The following GRM8 variants were observed in gnomAD, a reference collection of about 807,000 sequenced individuals.
GRM8 encodes metabotropic glutamate receptor 8.
GRM8 carries 47 observed loss-of-function variants against 87.2 expected under a neutral mutation model. The ratio of observed to expected loss-of-function variants is 0.54; its 90% CI spans 0.43 to 0.69. The LOEUF (loss-of-function observed/expected upper bound fraction) is 0.69, where lower values mean the gene tolerates loss of function less well. Ranked by LOEUF, GRM8 falls within the 30% of genes least tolerant of loss-of-function variation. The pLI is 0.00. For missense variants in GRM8, 1,019 were observed against 1,139.2 expected, an observed-to-expected ratio of 0.89 and a Z score of 1.52; for synonymous variants, 396 against 404.5, an observed-to-expected ratio of 0.98 and a Z score of 0.25.
At chr7:127,244,768 G>T (rs1283178440) in intron 1 of GRM8, among the ~76,000 whole-genome samples, 4 of 152,124 alleles carry the variant, frequency 2.6e-5, no homozygotes, top group African/African-American at 9.7e-5. Context: ...GGGGATAACT[G>T]AAAATATGCC....
intron 6 of GRM8, among the ~76,000 whole-genome samples, chr7:126,793,518 C>T (rs1396846809): frequency 6.6e-6 from 1 of 152,150 alleles, no homozygotes; most frequent in Non-Finnish European, 1.5e-5. Context: ...CATGTGAAGT[C>T]ATTGTGAAAA....
At chr7:126,737,286 TG>T (rs1356101817) in intron 7 of GRM8, among the ~76,000 whole-genome samples, 1 of 151,960 alleles carries the variant, frequency 6.6e-6, no homozygotes, top group African/African-American at 2.4e-5. Context: ...CATCTGATCT[TG>T]TGATCTCCAC....
At chr7:127,079,980 T>A (rs1024054184) in intron 3 of GRM8, among the ~76,000 whole-genome samples, 1 of 152,064 alleles carries the variant, frequency 6.6e-6, no homozygotes, top group Non-Finnish European at 1.5e-5. Context: ...AACAGCCCCA[T>A]AAAGACATCC....
At chr7:126,725,793 C>T (rs1585679873) in intron 7 of GRM8, among the ~76,000 whole-genome samples, 1 of 152,228 alleles carries the variant, frequency 6.6e-6, no homozygotes, top group East Asian at 1.9e-4. Context: ...TGGCAGAAGG[C>T]AAAGCGGGAA....
chr7:126,624,023 T>C (rs1800435572), intron 7 of GRM8, among the ~76,000 whole-genome samples: 1 of 152,162 alleles, frequency 6.6e-6, no homozygotes, highest in South Asian at 2.1e-4. Flanking sequence ...GCCCATTCTT[T>C]TTACCCCCTC....
chr7:126,760,708 T>C (rs1585819961), intron 7 of GRM8, among the ~76,000 whole-genome samples: 2 of 152,196 alleles, frequency 1.3e-5, no homozygotes, highest in East Asian at 3.8e-4. Flanking sequence ...ATTAATTTCC[T>C]CAATTGTATT....
intron 7 of GRM8, among the ~76,000 whole-genome samples, chr7:126,752,717 T>C (rs959089844): frequency 5.3e-5 from 8 of 152,202 alleles, no homozygotes; most frequent in African/African-American, 1.9e-4. Context: ...GAATTTACTA[T>C]GATGGTTACA....
chr7:126,596,435 T>G (rs1175721197), intron 8 of GRM8, among the ~76,000 whole-genome samples: 1 of 152,220 alleles, frequency 6.6e-6, no homozygotes, highest in Non-Finnish European at 1.5e-5. Flanking sequence ...TTCATATACT[T>G]GTTGGCTACA....
At chr7:126,987,903 T>A (rs1286023515) in intron 3 of GRM8, among the ~76,000 whole-genome samples, 1 of 152,192 alleles carries the variant, frequency 6.6e-6, no homozygotes, top group Non-Finnish European at 1.5e-5. Context: ...TCTATACCTA[T>A]GGGAGTAGGT....
intron 7 of GRM8, among the ~76,000 whole-genome samples, chr7:126,655,366 C>A (rs1804396684): frequency 6.6e-6 from 1 of 152,126 alleles, no homozygotes; most frequent in African/African-American, 2.4e-5. Context: ...TAAAACATTT[C>A]ATCTGATATA....
chr7:127,243,215 G>A lies in GRM8; in HGVS notation c.-11C>T, dbSNP rs764129028. 68 of 1,596,064 alleles carry A rather than the reference G, an allele frequency of 4.3e-5. No individual in the cohort carries two copies. Among genetic ancestry groups the A allele is most frequent in the South Asian group, 3.2e-4 (29 of 89,688 alleles). On this transcript the variant is annotated 5_prime_UTR_variant, in exon 2 of 11. Transcript: ENST00000339582. ...TCCCTCGCATACCATTTTCTCCACA[G>A]GTGGTATTGCAATCCAAGACCCAAA...
chr7:126,831,079 A>G (rs1041780708), intron 6 of GRM8, among the ~76,000 whole-genome samples: 2 of 152,172 alleles, frequency 1.3e-5, no homozygotes, highest in African/African-American at 4.8e-5. Context: ...GTCTCAGAGG[A>G]GTACCCGGCC....
At chr7:127,207,286 C>T (rs1795966880) in intron 2 of GRM8, among the ~76,000 whole-genome samples, 1 of 151,722 alleles carries the variant, frequency 6.6e-6, no homozygotes, top group African/African-American at 2.4e-5. Flanking sequence ...TTTTCAGGAC[C>T]CTTATTCCCA....
At chr7:126,590,025 A>C (rs1796530019) in intron 8 of GRM8, among the ~76,000 whole-genome samples, 1 of 152,150 alleles carries the variant, frequency 6.6e-6, no homozygotes, top group African/African-American at 2.4e-5. Flanking sequence ...CAAAGCATGA[A>C]GAAAGTCTTG....
At position 126,446,182 on chromosome 7, in the gene GRM8, T is replaced by C. The variant is rs368223169; in HGVS notation, c.2621A>G (p.Asn874Ser). Residue 874 changes from asparagine (N) to serine (S), a missense_variant, in exon 10 of 11, where the codon AAT (asparagine) becomes AGT (serine). Transcript: ENST00000339582. ...TMQSKLIQKG[N>S]DRPNGEVKSE... The stretch of plus-strand genomic sequence containing the variant: ...TTTCACCTCGCCATTTGGTCTGTCA[T>C]TTCCTTTTTGGATCAGTTTGCTTTG... 2.5e-6 allele frequency: 4 copies of C among 1,612,944 alleles called. No homozygotes were observed. The highest frequency in any genetic ancestry group is 3.4e-6 in the Non-Finnish European group (4 of 1,179,320).
intron 3 of GRM8, among the ~76,000 whole-genome samples, chr7:127,013,651 C>T (rs1815114468): frequency 6.6e-6 from 1 of 152,078 alleles, no homozygotes; most frequent in South Asian, 2.1e-4. Context: ...AGATCAGTAA[C>T]CTGCTGACAA....
intron 8 of GRM8, among the ~76,000 whole-genome samples, chr7:126,600,361 A>C (rs901349378): frequency 2.6e-5 from 4 of 152,062 alleles, no homozygotes; most frequent in African/African-American, 9.7e-5. Flanking sequence ...GCCTATAAGA[A>C]GGCCTGATTT....
At chr7:126,515,738 C>T (rs931900167) in intron 9 of GRM8, among the ~76,000 whole-genome samples, 2 of 152,118 alleles carry the variant, frequency 1.3e-5, no homozygotes, top group African/African-American at 4.8e-5. Flanking sequence ...TCAGGTCGCA[C>T]TACTGACTCT....
intron 6 of GRM8, among the ~76,000 whole-genome samples, chr7:126,889,456 C>T (rs1800791751): frequency 6.6e-6 from 1 of 152,038 alleles, no homozygotes; most frequent in East Asian, 1.9e-4. Context: ...AAATGCTTAG[C>T]TGAATTATTG....
Sources: gnomAD v4.1 joint callset for allele counts (sites outside exome capture counted in the v4.1 genomes callset) on GRCh38, gnomAD v4.1.1 for gene constraint, MANE v1.5 for transcripts, NCBI Gene and HGNC (gene_info 2026-07-23, HGNC 2026-07-21) for gene names.